Variants in CNTNAP2 observed in about 807,000 individuals in gnomAD.
The protein encoded by CNTNAP2 is contactin-associated protein-like 2.
Under a neutral mutation model 155.2 loss-of-function variants are expected in CNTNAP2, and 98 were observed. That is an observed-to-expected ratio of 0.63 (90% CI 0.54 to 0.75). CNTNAP2 has a LOEUF of 0.75. Ranked by LOEUF, CNTNAP2 falls within the 30% of genes least tolerant of loss-of-function variation. CNTNAP2 has a pLI of 0.00. For missense variants in CNTNAP2, 1,727 were observed against 1,688.1 expected, an observed-to-expected ratio of 1.02 and a Z score of -0.40; for synonymous variants, 651 against 631.2, an observed-to-expected ratio of 1.03 and a Z score of -0.47.
At chr7:148,061,928 G>GATAAACAGAT (rs200816063) in intron 15 of CNTNAP2, among the ~76,000 whole-genome samples, 57 of 95,618 alleles carry the variant, frequency 6.0e-4, no homozygotes, top group East Asian at 2.8e-3. Context: ...GATATAGATA[G>GATAAACAGAT]ATAGATAGAT....
At chr7:147,045,426 A>G (rs900412392) in intron 4 of CNTNAP2, among the ~76,000 whole-genome samples, 1 of 152,190 alleles carries the variant, frequency 6.6e-6, no homozygotes, top group East Asian at 1.9e-4. Context: ...TGTCTTATTA[A>G]TTCATAGGCA....
chr7:147,781,488 G>A lies in CNTNAP2; in HGVS notation c.2099-122077G>A, dbSNP rs150523623. On this transcript the variant is annotated intron_variant, in intron 13 of 23. Coordinates refer to ENST00000361727, the MANE Select transcript of CNTNAP2 (RefSeq NM_014141.6). ...GACGGGGTTCAGGAAATACTAAGGA[G>A]GATGAAGCTTTGCAGATGGTAAAAT... is the stretch of plus-strand genomic sequence containing the variant. Among the ~76,000 whole-genome samples, 496 of 152,256 alleles carry A rather than the reference G, an allele frequency of 3.3e-3. 6 individuals are homozygous for A. The highest frequency in any genetic ancestry group is 0.011 in the African/African-American group (467 of 41,540).
intron 1 of CNTNAP2, among the ~76,000 whole-genome samples, chr7:146,517,674 T>C (rs1007936557): frequency 6.6e-6 from 1 of 151,824 alleles, no homozygotes; most frequent in Non-Finnish European, 1.5e-5. Flanking sequence ...AAAGATCACT[T>C]TGGCAGGTTT....
intron 4 of CNTNAP2, among the ~76,000 whole-genome samples, chr7:147,063,838 A>G (rs529980688): frequency 1.6e-4 from 25 of 152,274 alleles, no homozygotes; most frequent in African/African-American, 5.1e-4. Context: ...AAAGCAGTGT[A>G]ATATAAAAAA....
chr7:148,037,270 C>G (rs1802588280), intron 15 of CNTNAP2, among the ~76,000 whole-genome samples: 1 of 152,138 alleles, frequency 6.6e-6, no homozygotes, highest in Non-Finnish European at 1.5e-5. Flanking sequence ...ATGTCGAAAT[C>G]CTTCCAAAAT....
intron 1 of CNTNAP2, among the ~76,000 whole-genome samples, chr7:146,319,126 A>G (rs998501465): frequency 3.3e-5 from 5 of 152,128 alleles, no homozygotes; most frequent in African/African-American, 9.7e-5. Flanking sequence ...GTTCTCCATG[A>G]TAAGATGTGG....
At position 148,376,872 on chromosome 7, in the gene CNTNAP2, C is replaced by T. The variant is rs1444876856; in HGVS notation, c.3476-6777C>T. 2.9e-5 allele frequency among the ~76,000 whole-genome samples: 2 copies of T among 68,032 alleles called. 1 individual carries two copies. The highest frequency in any genetic ancestry group is 7.2e-5 in the African/African-American group (2 of 27,822). The allele number at this position is 68,032 out of a possible 152,430, so 44.6% of individuals were successfully genotyped here. ...AAACTGCATTCTGTTAGAGCAGGAGCTGACAGGGAACCTAGATGCCAGCAT... is the reference window on the plus strand; with the variant it reads ...AAACTGCATTCTGTTAGAGCAGGAGTTGACAGGGAACCTAGATGCCAGCAT... On this transcript the variant is annotated intron_variant, in intron 21 of 23. Transcript: ENST00000361727.
Position 146,880,841 on chromosome 7 carries a change from G to T in CNTNAP2, c.402+40937G>T, listed in dbSNP as rs555394933. Among the ~76,000 whole-genome samples the T allele has an allele frequency of 1.1e-4, 16 of 152,134 alleles. No homozygotes were observed. In the East Asian group the frequency reaches 2.9e-3, roughly 28 times the overall value. ...AATCTGTTGTCTACAAAATCTCAGGGGATGAAATATTATCCTCATTAGATT... is the reference window on the plus strand; with the variant it reads ...AATCTGTTGTCTACAAAATCTCAGGTGATGAAATATTATCCTCATTAGATT... On this transcript the variant is annotated intron_variant, in intron 3 of 23. Coordinates refer to ENST00000361727, the MANE Select transcript of CNTNAP2 (RefSeq NM_014141.6).
intron 3 of CNTNAP2, among the ~76,000 whole-genome samples, chr7:146,969,133 C>G (rs1285654271): frequency 2.4e-4 from 36 of 151,668 alleles, no homozygotes; most frequent in African/African-American, 8.7e-4. Context: ...GAGTGAGTTT[C>G]TTAATCCTGA....
intron 1 of CNTNAP2, among the ~76,000 whole-genome samples, chr7:146,296,793 TC>T (rs1800521225): frequency 6.6e-6 from 1 of 152,178 alleles, no homozygotes; most frequent in East Asian, 1.9e-4. Flanking sequence ...AATACCGAGA[TC>T]CAGATGAAAT....
intron 1 of CNTNAP2, among the ~76,000 whole-genome samples, chr7:146,452,098 G>A (rs1434600996): frequency 1.3e-5 from 2 of 151,186 alleles, no homozygotes; most frequent in South Asian, 2.1e-4. Context: ...TAGTAGAGAC[G>A]GGGTTTCACC....
intron 4 of CNTNAP2, among the ~76,000 whole-genome samples, chr7:147,087,046 A>C (rs1466630816): frequency 1.3e-5 from 2 of 152,102 alleles, no homozygotes; most frequent in Non-Finnish European, 2.9e-5. Context: ...AAATTTGCAC[A>C]CTTCACCAGT....
intron 15 of CNTNAP2, among the ~76,000 whole-genome samples, chr7:148,093,400 C>G (rs1467541520): frequency 6.6e-6 from 1 of 152,212 alleles, no homozygotes; most frequent in African/African-American, 2.4e-5. Flanking sequence ...GAAACCTTCT[C>G]TGATATGACG....
At chr7:147,839,302 A>G (rs1331949944) in intron 13 of CNTNAP2, among the ~76,000 whole-genome samples, 1 of 152,150 alleles carries the variant, frequency 6.6e-6, no homozygotes, top group Non-Finnish European at 1.5e-5. Context: ...GCATCCTTCA[A>G]TCCAATCAAG....
chr7:147,484,359 A>C (rs73459461), intron 10 of CNTNAP2, among the ~76,000 whole-genome samples: 1 of 152,228 alleles, frequency 6.6e-6, no homozygotes, highest in Middle Eastern at 3.4e-3. Flanking sequence ...TCTCAACCTA[A>C]AAGCTTTTAA....
intron 22 of CNTNAP2, among the ~76,000 whole-genome samples, chr7:148,409,046 A>G (rs1487025958): frequency 1.3e-5 from 2 of 152,236 alleles, no homozygotes; most frequent in Non-Finnish European, 2.9e-5. Context: ...TTAAAAGTGG[A>G]TGGGAAGCAG....
intron 8 of CNTNAP2, among the ~76,000 whole-genome samples, chr7:147,194,612 C>T (rs1226394991): frequency 2.0e-5 from 3 of 152,156 alleles, no homozygotes; most frequent in Non-Finnish European, 4.4e-5. Context: ...TTAATATTCG[C>T]CCTTCTCACT....
At chr7:148,059,590 C>T (rs966920913) in intron 15 of CNTNAP2, among the ~76,000 whole-genome samples, 1 of 72,754 alleles carries the variant, frequency 1.4e-5, no homozygotes, top group Non-Finnish European at 3.1e-5. Flanking sequence ...AACTCTGTCT[C>T]AAAAAAAAAA....
chr7:148,055,211 T>C (rs1437539995), intron 15 of CNTNAP2, among the ~76,000 whole-genome samples: 1 of 152,206 alleles, frequency 6.6e-6, no homozygotes, highest in African/African-American at 2.4e-5. Context: ...GATGGCCTTT[T>C]AAAACAACCA....
Sources: allele counts gnomAD v4.1 joint callset (sites outside exome capture counted in the v4.1 genomes callset), GRCh38; gene constraint gnomAD v4.1.1; transcripts MANE v1.5; gene names NCBI Gene and HGNC (gene_info 2026-07-23, HGNC 2026-07-21).